The following ASNS variants were observed in gnomAD, a reference collection of about 807,000 sequenced individuals.
ASNS encodes the protein asparagine synthetase [glutamine-hydrolyzing].
In ASNS, 37 loss-of-function variants were observed where a neutral mutation model predicts 62.6. The ratio of observed to expected loss-of-function variants is 0.59; its 90% CI spans 0.45 to 0.78. The LOEUF is 0.78. ASNS is among the 30% of genes least tolerant of loss of function. ASNS has a pLI of 0.00. For synonymous variants in ASNS, 207 were observed against 237.9 expected, an observed-to-expected ratio of 0.87 and a Z score of 1.19; for missense variants, 520 against 682.4, an observed-to-expected ratio of 0.76 and a Z score of 2.65.
the ASNS span, among the ~76,000 whole-genome samples, chr7:97,905,331 G>A: frequency 6.6e-6 from 1 of 152,050 alleles, no homozygotes; most frequent in Non-Finnish European, 1.5e-5. Context: ...ACACCCACCT[G>A]GAAAATCTCC....
the ASNS span, among the ~76,000 whole-genome samples, chr7:97,909,836 A>C: frequency 1.3e-5 from 2 of 152,142 alleles, no homozygotes; most frequent in African/African-American, 4.8e-5. Flanking sequence ...AGTAAATCAC[A>C]TTAACTCATG....
At chr7:97,924,724 C>G in the ASNS span, among the ~76,000 whole-genome samples, 1 of 152,234 alleles carries the variant, frequency 6.6e-6, no homozygotes, top group African/African-American at 2.4e-5. Context: ...ACTCTGCAGT[C>G]TAGGTGGGTG....
chr7:97,916,716 G>A, the ASNS span, among the ~76,000 whole-genome samples: 10 of 152,190 alleles, frequency 6.6e-5, no homozygotes, highest in South Asian at 4.1e-4. Flanking sequence ...AGGGGGAGGC[G>A]GTGAGGATGA....
chr7:97,918,884 T>G, the ASNS span, among the ~76,000 whole-genome samples: 3 of 152,132 alleles, frequency 2.0e-5, no homozygotes, highest in Non-Finnish European at 4.4e-5. Context: ...CCATGGCACA[T>G]GTATACCTAT....
chr7:97,861,619 A>G (rs1417143908), intron 4 of ASNS, among the ~76,000 whole-genome samples: 1 of 152,098 alleles, frequency 6.6e-6, no homozygotes, highest in Admixed American at 6.5e-5. Flanking sequence ...TTTGTTCTTC[A>G]TTTTCAAAAG....
chr7:97,854,904 T>A (rs1403094143), intron 9 of ASNS: 1 of 642,032 alleles, frequency 1.6e-6, no homozygotes, highest in African/African-American at 1.8e-5. Flanking sequence ...ACAGTCATAA[T>A]TCCACAGGAT....
chr7:97,868,778 A>T, intron 3 of ASNS, 130 bp downstream of exon 3: 2 of 1,329,464 alleles, frequency 1.5e-6, no homozygotes, highest in Non-Finnish European at 2.1e-6. Context: ...TTACATACTT[A>T]GAGCAAATGA....
chr7:97,875,884 T>C (rs922175102), upstream of ASNS, among the ~76,000 whole-genome samples: 2 of 150,546 alleles, frequency 1.3e-5, no homozygotes, highest in Admixed American at 6.6e-5. Flanking sequence ...TGAGACAGAG[T>C]CTTACTCTCT....
At chr7:97,896,872 C>T in the ASNS span, among the ~76,000 whole-genome samples, 1 of 148,890 alleles carries the variant, frequency 6.7e-6, no homozygotes, top group Admixed American at 6.8e-5. Context: ...CACATATTTA[C>T]AGCTAACTGA....
At chr7:97,901,842 ATGT>A in the ASNS span, among the ~76,000 whole-genome samples, 3 of 152,026 alleles carry the variant, frequency 2.0e-5, no homozygotes, top group Non-Finnish European at 4.4e-5. Context: ...GCCAGACATG[ATGT>A]TGTGCACCTG....
the ASNS span, among the ~76,000 whole-genome samples, chr7:97,896,670 A>ATG: frequency 2.2e-5 from 3 of 133,740 alleles, no homozygotes; most frequent in Admixed American, 8.1e-5. Flanking sequence ...ATATATGTAT[A>ATG]TGTGTGTGTG....
At chr7:97,925,213 T>A in the ASNS span, among the ~76,000 whole-genome samples, 5 of 152,250 alleles carry the variant, frequency 3.3e-5, no homozygotes, top group Non-Finnish European at 7.3e-5. Context: ...AAATCCCATA[T>A]AACCTTCCTA....
At position 97,851,777 on chromosome 7, in the gene ASNS, A is replaced by G. The variant is rs1791194508; in HGVS notation, c.*482T>C. The G allele has an allele frequency of 6.5e-6, 1 of 154,812 alleles. No individual in the cohort carries two copies. The highest frequency in any genetic ancestry group is 1.4e-5 in the Non-Finnish European group (1 of 69,700). 9.6% of individuals were successfully genotyped at this position (154,812 alleles called of 1,614,324 possible). ...TCCAGAAGTGGCTTTGGCTCAACATAAAAGAGAAAAAAATGAACTACTATC... is the reference window on the plus strand; with the variant it reads ...TCCAGAAGTGGCTTTGGCTCAACATGAAAGAGAAAAAAATGAACTACTATC... On this transcript the variant is annotated 3_prime_UTR_variant, in exon 13 of 13. Coordinates refer to ENST00000394308, the MANE Select transcript of ASNS (RefSeq NM_001673.5).
chr7:97,883,592 G>A, the ASNS span, among the ~76,000 whole-genome samples: 1 of 152,168 alleles, frequency 6.6e-6, no homozygotes, highest in African/African-American at 2.4e-5. Flanking sequence ...CTGGCCCTGT[G>A]ACAATCTGCA....
chr7:97,917,229 A>G, the ASNS span, among the ~76,000 whole-genome samples: 1 of 152,124 alleles, frequency 6.6e-6, no homozygotes. Flanking sequence ...AAAAAAAAAA[A>G]AAAAAAAAAG....
In ASNS at chr7:97,853,386, A is replaced by G; in HGVS notation, c.1239T>C (p.Gly413=). The change falls in exon 11 of 13, where the codon GGT becomes GGC. Residue 413 remains glycine, a splice_region_variant and synonymous_variant. Transcript: ENST00000394308. Reference sequence around the variant, plus strand: ...CTAGAAATGGGACTCTCAGTTCAAGACTTAAAGGAGAAAAGAAGAAAATCT... The same window carrying G: ...CTAGAAATGGGACTCTCAGTTCAAGGCTTAAAGGAGAAAAGAAGAAAATCT... ...LRADRTTAAH[G]LELRVPFLDH... 1.9e-6 allele frequency: 3 copies of G among 1,611,042 alleles called. No individual in the cohort carries two copies. The highest frequency in any genetic ancestry group is 1.7e-6 in the Non-Finnish European group (2 of 1,179,176).
At chr7:97,899,807 C>T in the ASNS span, among the ~76,000 whole-genome samples, 5 of 152,332 alleles carry the variant, frequency 3.3e-5, no homozygotes, top group Admixed American at 6.5e-5. Context: ...TGTATCTCTT[C>T]ATCTGGTGAT....
the ASNS span, among the ~76,000 whole-genome samples, chr7:97,887,664 C>T: frequency 3.7e-4 from 57 of 152,300 alleles, no homozygotes; most frequent in African/African-American, 1.2e-3. Flanking sequence ...GTCGAGCTTC[C>T]CAGACATGCT....
chr7:97,919,982 C>T, the ASNS span, among the ~76,000 whole-genome samples: 71 of 151,612 alleles, frequency 4.7e-4, no homozygotes, highest in Non-Finnish European at 8.7e-4. Flanking sequence ...CCCACAGCTC[C>T]CTTCTCTTCC....
Sources: allele counts gnomAD v4.1 joint callset (sites outside exome capture counted in the v4.1 genomes callset), GRCh38; gene constraint gnomAD v4.1.1; transcripts MANE v1.5; gene names NCBI Gene and HGNC (gene_info 2026-07-23, HGNC 2026-07-21).